The following LRP5 variants were observed in gnomAD, a reference collection of about 807,000 sequenced individuals.
LRP5 encodes LDL receptor related protein 5, also known as low-density lipoprotein receptor-related protein 5.
Under a neutral mutation model 154.1 loss-of-function variants are expected in LRP5, and 62 were observed. That is an observed-to-expected ratio of 0.40 (90% confidence interval 0.33 to 0.50). LRP5 has a LOEUF of 0.50. Ranked by LOEUF, LRP5 falls within the 20% of genes least tolerant of loss-of-function variation. The probability of loss-of-function intolerance (pLI) is 0.55; values close to 1 mark genes in which losing one functional copy is unlikely to be tolerated. For missense variants in LRP5, 1,915 were observed against 2,336.7 expected (o/e 0.82, Z 3.72); for synonymous variants, 966 against 1,011.5 (o/e 0.96, Z 0.85).
intron 18 of LRP5, among the ~76,000 whole-genome samples, chr11:68,436,138 T>C (rs1205334585): frequency 1.3e-5 from 2 of 152,214 alleles, no homozygotes; most frequent in East Asian, 3.8e-4. Flanking sequence ...GGCAGGCCCT[T>C]ACGCCGGTTC....
chr11:68,405,135 C>A, intron 8 of LRP5, among the ~76,000 whole-genome samples: 1 of 149,380 alleles, frequency 6.7e-6, no homozygotes, highest in Non-Finnish European at 1.5e-5. Context: ...TCCACCTGGG[C>A]AATAGAGCGA....
chr11:68,386,719 C>T lies in LRP5; in HGVS notation c.1412+7C>T, dbSNP rs536526437. On this transcript the variant is annotated splice_region_variant and intron_variant, in intron 6 of 22. Coordinates refer to ENST00000294304, the MANE Select transcript of LRP5 (RefSeq NM_002335.4). The surrounding 1 kb of genome is among the most constrained non-coding windows in gnomAD (Gnocchi z 7.9). ...CACTGCACCCCGTGATGGGGTAAGA[C>T]GGGCGGGGGCTGGGGCCTGGAGCCA... is the stretch of plus-strand genomic sequence containing the variant. 3.8e-5 allele frequency: 62 copies of T among 1,610,860 alleles called. No individual in the cohort carries two copies. Among genetic ancestry groups the T allele is most frequent in the African/African-American group, 1.5e-4 (11 of 75,028 alleles).
intron 2 of LRP5, among the ~76,000 whole-genome samples, chr11:68,355,621 C>T (rs2098622549): frequency 6.6e-6 from 1 of 152,212 alleles, no homozygotes; most frequent in Non-Finnish European, 1.5e-5. Flanking sequence ...GCACACTGGG[C>T]ACTGGTGGGG....
intron 5 of LRP5, among the ~76,000 whole-genome samples, chr11:68,370,554 G>A (rs1240482395): frequency 6.6e-6 from 1 of 152,190 alleles, no homozygotes; most frequent in Non-Finnish European, 1.5e-5. Context: ...AGCGAGCCCT[G>A]CCCTTCCAGT....
chr11:68,416,482 G>A lies in LRP5; in HGVS notation c.2982G>A (p.Val994=), dbSNP rs371528796. The A allele has an allele frequency of 6.2e-7, 1 of 1,613,900 alleles. No individual in the cohort carries two copies. Among genetic ancestry groups the A allele is most frequent in the Non-Finnish European group, 8.5e-7 (1 of 1,180,042 alleles). The part of the protein sequence containing the change: ...YDPLDKFIYW[V]DGRQNIKRAK... ...CACTGGACAAGTTCATCTACTGGGT[G>A]GATGGGCGCCAGAACATCAAGCGAG... The change falls in exon 13 of 23, where the codon GTG becomes GTA. Residue 994 remains valine (V), a synonymous_variant. Transcript: ENST00000294304.
At chr11:68,347,344 G>A (rs760641434) in intron 1 of LRP5, among the ~76,000 whole-genome samples, 1 of 152,232 alleles carries the variant, frequency 6.6e-6, no homozygotes, top group Non-Finnish European at 1.5e-5. Flanking sequence ...AGACTTGTAA[G>A]GGAATCTTGA....
chr11:68,407,189 G>A (rs1327134618), intron 9 of LRP5, among the ~76,000 whole-genome samples: 2 of 144,554 alleles, frequency 1.4e-5, no homozygotes, highest in African/African-American at 2.6e-5. Context: ...TTTTTTTTGA[G>A]ACAGAGTCTT....
chr11:68,440,011 G>T, intron 21 of LRP5, 95 bp downstream of exon 21: 2 of 1,189,440 alleles, frequency 1.7e-6, no homozygotes, highest in Non-Finnish European at 2.3e-6. Flanking sequence ...GGGTTCCTGG[G>T]GGCTGTGCCA....
chr11:68,392,109 A>G (rs2098646669), intron 7 of LRP5, among the ~76,000 whole-genome samples: 3 of 152,322 alleles, frequency 2.0e-5, no homozygotes, highest in African/African-American at 7.2e-5. Flanking sequence ...TCGGCCTCCC[A>G]AAGTGCTGGG....
intron 21 of LRP5, among the ~76,000 whole-genome samples, chr11:68,443,577 A>AT (rs1313213351): frequency 1.7e-4 from 7 of 42,010 alleles, no homozygotes; most frequent in African/African-American, 3.3e-4. Context: ...ATATATATAT[A>AT]TATATATATT....
intron 11 of LRP5, 137 bp downstream of exon 11, chr11:68,411,757 C>A: frequency 1.1e-6 from 1 of 891,662 alleles, no homozygotes; most frequent in Non-Finnish European, 1.7e-6. Context: ...CCCACGACTG[C>A]CCAGCAGCCT....
Position 68,413,647 on chromosome 11 carries a change from G to A in LRP5, c.2504-42G>A, listed in dbSNP as rs1481866455. The A allele has an allele frequency of 6.3e-7, 1 of 1,584,046 alleles. No homozygotes were observed. Among genetic ancestry groups the A allele is most frequent in the East Asian group, 2.2e-5 (1 of 44,762 alleles). On this transcript the variant is annotated intron_variant, in intron 11 of 22. Transcript: ENST00000294304. This position sits in a 1 kb window ranked among gnomAD's most constrained non-coding sequence, Gnocchi z 5.1. ...AGGGCGCCGTGTGCTCTGTGGCCTG[G>A]CTGTGCCTTTGCTGACACCGTGCCC...
chr11:68,348,276 G>A, intron 2 of LRP5, 33 bp downstream of exon 2: 3 of 1,600,168 alleles, frequency 1.9e-6, no homozygotes, highest in Non-Finnish European at 2.5e-6. Context: ...CTGGGTCCAG[G>A]GGGCGGGGAG....
At chr11:68,322,033 C>G (rs1422173460) in intron 1 of LRP5, among the ~76,000 whole-genome samples, 1 of 152,216 alleles carries the variant, frequency 6.6e-6, no homozygotes, top group Non-Finnish European at 1.5e-5. Flanking sequence ...AGTTTTGGAG[C>G]AAGATATGTT....
In LRP5 at chr11:68,404,942, A is replaced by AG. The variant is rs2098654695; in HGVS notation, c.1801+1244dup. On this transcript the variant is annotated intron_variant, in intron 8 of 22. Coordinates refer to ENST00000294304, the MANE Select transcript of LRP5 (RefSeq NM_002335.4). ...CCGAGATTGCGCCACTGCAGTCCGC[A>AG]GTCCGGCCTGGGCGACAGAGCGAGA... Among the ~76,000 whole-genome samples the AG allele has an allele frequency of 2.0e-5, 3 of 148,916 alleles. No individual in the cohort carries two copies. In the South Asian group the frequency reaches 6.4e-4, roughly 32 times the overall value.
At position 68,413,747 on chromosome 11, in the gene LRP5, C is replaced by T. The variant is rs774970595; in HGVS notation, c.2562C>T (p.Tyr854=). The change falls in exon 12 of 23, where the codon TAC becomes TAT. Residue 854 remains tyrosine (Y), a synonymous_variant. Coordinates refer to ENST00000294304, the MANE Select transcript of LRP5 (RefSeq NM_002335.4). The surrounding 1 kb of genome is among the most constrained non-coding windows in gnomAD (Gnocchi z 5.1). ...DLPHPFGLTQ[Y]SDYIYWTDWN... is the part of the protein sequence containing the mutation. ...CGCACCCGTTCGGTCTGACGCAGTACAGCGATTATATCTACTGGACAGACT... is the reference window on the plus strand; with the variant it reads ...CGCACCCGTTCGGTCTGACGCAGTATAGCGATTATATCTACTGGACAGACT... 3 of 1,613,806 alleles carry T rather than the reference C, an allele frequency of 1.9e-6. No homozygotes were observed. Among genetic ancestry groups the T allele is most frequent in the South Asian group, 1.1e-5 (1 of 91,086 alleles).
chr11:68,363,882 C>A lies in LRP5; in HGVS notation c.822C>A (p.Ile274=), dbSNP rs1056501004. Residue 274 remains isoleucine (I), a synonymous_variant, in exon 4 of 23, where the codon ATC becomes ATA. Coordinates refer to ENST00000294304, the MANE Select transcript of LRP5 (RefSeq NM_002335.4). ...NKRTGGKRKE[I]LSALYSPMDI... ...GCACTGGGGGGAAGAGGAAGGAGAT[C>A]CTGAGTGCCCTCTACTCACCCATGG... 2 of 1,612,928 alleles carry A rather than the reference C, an allele frequency of 1.2e-6. No individual in the cohort carries two copies. The highest frequency in any genetic ancestry group is 1.3e-5 in the African/African-American group (1 of 74,752).
At chr11:68,438,282 G>A (rs565664806) in intron 19 of LRP5, among the ~76,000 whole-genome samples, 164 bp from the exon 20 acceptor site, 2 of 152,312 alleles carry the variant, frequency 1.3e-5, no homozygotes, top group Admixed American at 1.3e-4. Flanking sequence ...GTTACCCTGA[G>A]GTTGGCCAGG....
intron 6 of LRP5, among the ~76,000 whole-genome samples, chr11:68,389,054 G>A (rs1214745834): frequency 4.5e-5 from 5 of 111,606 alleles, no homozygotes; most frequent in East Asian, 2.9e-4. Context: ...GACATTTACC[G>A]ACACTGACAT....
Sources: allele counts gnomAD v4.1 joint callset (sites outside exome capture counted in the v4.1 genomes callset), GRCh38; gene constraint gnomAD v4.1.1; non-coding constraint Gnocchi (gnomAD v3.1); transcripts MANE v1.5; gene names NCBI Gene and HGNC (gene_info 2026-07-23, HGNC 2026-07-21).